BLVRA: variants seen among roughly 807,000 people sequenced by gnomAD.
BLVRA encodes biliverdin reductase A, also known as BVR A.
In BLVRA, 22 loss-of-function variants were observed where a neutral mutation model predicts 32.8. The ratio of observed to expected loss-of-function variants is 0.67; its 90% CI spans 0.48 to 0.96. The LOEUF (loss-of-function observed/expected upper bound fraction) is 0.96, where lower values mean the gene tolerates loss of function less well. Ranked by LOEUF, BLVRA falls within the 40% of genes least tolerant of loss-of-function variation. The pLI is 0.00. For synonymous variants in BLVRA, 119 were observed against 141.3 expected (o/e 0.84, Z 1.12); for missense variants, 323 against 358.1 (o/e 0.90, Z 0.79).
intron 1 of BLVRA, chr7:43,767,537 C>G (rs902551987): frequency 2.0e-5 from 22 of 1,118,866 alleles, no homozygotes; most frequent in African/African-American, 3.1e-5. Flanking sequence ...GGTGCTGGCC[C>G]TCTTTATGTA....
intron 6 of BLVRA, among the ~76,000 whole-genome samples, chr7:43,800,959 G>GTATT (rs1048807510): frequency 5.9e-5 from 9 of 151,938 alleles, no homozygotes; most frequent in Non-Finnish European, 1.2e-4. Context: ...AGCAACCACA[G>GTATT]TATTTATTTA....
intron 1 of BLVRA, among the ~76,000 whole-genome samples, chr7:43,760,561 A>G (rs1297552531): frequency 6.6e-6 from 1 of 152,146 alleles, no homozygotes; most frequent in East Asian, 1.9e-4. Context: ...TAAATCATAT[A>G]TTTAAGATTT....
intron 2 of BLVRA, among the ~76,000 whole-genome samples, chr7:43,778,159 C>T (rs963115704): frequency 6.6e-6 from 1 of 152,230 alleles, no homozygotes; most frequent in African/African-American, 2.4e-5. Flanking sequence ...AGCCATTCTC[C>T]GTCCAGCTTT....
Position 43,799,641 on chromosome 7 carries a change from T to C in BLVRA, c.353-824T>C, listed in dbSNP as rs770312661. Among the ~76,000 whole-genome samples the C allele has an allele frequency of 1.2e-4, 18 of 151,744 alleles. No individual in the cohort carries two copies. In the South Asian group the frequency reaches 1.3e-3, roughly 11 times the overall value. On this transcript the variant is annotated intron_variant, in intron 5 of 7. Coordinates refer to ENST00000265523, the MANE Select transcript of BLVRA (RefSeq NM_000712.4). Reference sequence around the variant, plus strand: ...GTGCATGCCACCACACCTAGCTAATTTTTTGTATTTTTTGTAGAGGCCAGG... The same window carrying C: ...GTGCATGCCACCACACCTAGCTAATCTTTTGTATTTTTTGTAGAGGCCAGG...
chr7:43,787,932 T>C lies in BLVRA; in HGVS notation c.41T>C (p.Val14Ala). 6.2e-7 allele frequency: 1 copy of C among 1,614,064 alleles called. No individual in the cohort carries two copies. Among genetic ancestry groups the C allele is most frequent in the Non-Finnish European group, 8.5e-7 (1 of 1,180,016 alleles). ...EPERKFGVVV[V>A]GVGRAGSVRM... The stretch of plus-strand genomic sequence containing the variant: ...GAGAGGAAGTTTGGCGTGGTGGTGG[T>C]TGGTGTTGGCCGAGCCGGCTCCGTG... Residue 14 changes from valine (V) to alanine (A), a missense_variant, in exon 3 of 8, where the codon GTT (valine) becomes GCT (alanine). By Grantham distance (64) the Val-to-Ala change is moderately conservative (BLOSUM62 0). Transcript: ENST00000265523. This position sits in a 1 kb window ranked among gnomAD's most constrained non-coding sequence, Gnocchi z 4.5.
At chr7:43,794,050 C>G (rs966573447) in intron 5 of BLVRA, among the ~76,000 whole-genome samples, 1 of 151,848 alleles carries the variant, frequency 6.6e-6, no homozygotes, top group African/African-American at 2.4e-5. Flanking sequence ...TGAGACCAGC[C>G]TGGGCAACAT....
chr7:43,785,554 G>A (rs1380347043), intron 2 of BLVRA, among the ~76,000 whole-genome samples: 1 of 152,170 alleles, frequency 6.6e-6, no homozygotes, highest in Non-Finnish European at 1.5e-5. Flanking sequence ...AAGAGAGGCA[G>A]TTAGTCATAG....
intron 2 of BLVRA, among the ~76,000 whole-genome samples, chr7:43,785,930 C>A (rs1289772135): frequency 1.3e-5 from 2 of 151,918 alleles, no homozygotes; most frequent in African/African-American, 2.4e-5. Context: ...AAAATGGAAT[C>A]ATAATAAATA....
chr7:43,791,047 C>G (rs2132579338), intron 3 of BLVRA, among the ~76,000 whole-genome samples: 1 of 152,334 alleles, frequency 6.6e-6, no homozygotes, highest in Middle Eastern at 3.4e-3. Context: ...ACTGTTGGCA[C>G]TCAATGCCAG....
chr7:43,765,943 C>G (rs2095747366), intron 1 of BLVRA, among the ~76,000 whole-genome samples: 1 of 152,000 alleles, frequency 6.6e-6, no homozygotes, highest in South Asian at 2.1e-4. Context: ...TTATCTCATG[C>G]CATATACCAA....
chr7:43,801,947 C>T (rs2095799129), intron 6 of BLVRA, among the ~76,000 whole-genome samples: 1 of 151,666 alleles, frequency 6.6e-6, no homozygotes, highest in Non-Finnish European at 1.5e-5. Context: ...CCAGTCTGGC[C>T]AACATGGTGA....
intron 2 of BLVRA, among the ~76,000 whole-genome samples, chr7:43,781,065 C>T (rs1488076424): frequency 6.6e-6 from 1 of 152,086 alleles, no homozygotes; most frequent in Non-Finnish European, 1.5e-5. Flanking sequence ...ATCACTTGAA[C>T]CCAGGAGGCA....
chr7:43,776,222 A>C (rs1282069134), intron 2 of BLVRA, among the ~76,000 whole-genome samples: 2 of 151,860 alleles, frequency 1.3e-5, no homozygotes, highest in African/African-American at 4.8e-5. Context: ...TAGTTCTTTT[A>C]ATTGTGATGT....
chr7:43,790,871 C>T (rs1469279366), intron 3 of BLVRA, among the ~76,000 whole-genome samples: 1 of 152,170 alleles, frequency 6.6e-6, no homozygotes, highest in Non-Finnish European at 1.5e-5. Context: ...CAGGTTTTCA[C>T]CATGTTGGCC....
intron 5 of BLVRA, among the ~76,000 whole-genome samples, chr7:43,798,226 A>AAAAAAAAT (rs1563550433): frequency 2.8e-5 from 4 of 141,602 alleles, no homozygotes; most frequent in African/African-American, 5.2e-5. Flanking sequence ...AAAAAAAAAA[A>AAAAAAAAT]GGAAACGATG....
Position 43,800,568 on chromosome 7 carries a change from C to T in BLVRA, c.456C>T (p.Phe152=), listed in dbSNP as rs1483004399. The change falls in exon 6 of 8, where the codon TTC becomes TTT. Residue 152 remains phenylalanine, a synonymous_variant. Coordinates refer to ENST00000265523, the MANE Select transcript of BLVRA (RefSeq NM_000712.4). Reference sequence around the variant, plus strand: ...ACCTGCTGAAAGGGTCGCTCCTCTTCACAGGTCAGTGCTACGTGGGATCAC... The same window carrying T: ...ACCTGCTGAAAGGGTCGCTCCTCTTTACAGGTCAGTGCTACGTGGGATCAC... ...GKDLLKGSLL[F]TAGPLEEERF... 4.3e-6 allele frequency: 7 copies of T among 1,613,562 alleles called. No homozygotes were observed. In the Admixed American group the frequency reaches 5.0e-5, roughly 12 times the overall value.
chr7:43,767,130 TTTC>T (rs1238039566), intron 1 of BLVRA, among the ~76,000 whole-genome samples: 1 of 152,226 alleles, frequency 6.6e-6, no homozygotes, highest in Non-Finnish European at 1.5e-5. Context: ...GTTTGTTTGT[TTTC>T]TTTTGTTTTG....
chr7:43,768,651 T>TA (rs1404049932), intron 1 of BLVRA, among the ~76,000 whole-genome samples: 2 of 152,192 alleles, frequency 1.3e-5, no homozygotes, highest in African/African-American at 4.8e-5. Context: ...TGTTATCTGT[T>TA]ATCTGTTCTG....
intron 5 of BLVRA, 25 bp from the exon 6 acceptor site, chr7:43,800,437 CCTT>C: frequency 6.2e-7 from 1 of 1,600,520 alleles, no homozygotes; most frequent in Non-Finnish European, 8.6e-7. Context: ...TGACGACTGC[CCTT>C]TTTATTCCAT....
Sources: allele counts gnomAD v4.1 joint callset (sites outside exome capture counted in the v4.1 genomes callset), GRCh38; gene constraint gnomAD v4.1.1; non-coding constraint Gnocchi (gnomAD v3.1); transcripts MANE v1.5; gene names NCBI Gene and HGNC (gene_info 2026-07-23, HGNC 2026-07-21).